TLE4: variants seen among roughly 807,000 people sequenced by gnomAD.
The protein encoded by TLE4 is transducin-like enhancer protein 4.
Under a neutral mutation model 92.8 loss-of-function variants are expected in TLE4, and 8 were observed. The ratio of observed to expected loss-of-function variants is 0.09; its 90% CI spans 0.05 to 0.16. The LOEUF is 0.16. Among genes scored for constraint, TLE4 ranks in the 10% least tolerant of loss-of-function variants. The probability of loss-of-function intolerance (pLI) is 1.00; values close to 1 mark genes in which losing one functional copy is unlikely to be tolerated. For synonymous variants in TLE4, 371 were observed against 374.1 expected, an observed-to-expected ratio of 0.99 and a Z score of 0.10; for missense variants, 675 against 997.6, an observed-to-expected ratio of 0.68 and a Z score of 4.36.
intron 8 of TLE4, among the ~76,000 whole-genome samples, chr9:79,686,987 A>G (rs192236552): frequency 2.0e-5 from 3 of 152,332 alleles, no homozygotes; most frequent in East Asian, 1.9e-4. Flanking sequence ...ATTTGGTATC[A>G]TCTGGTCAGG....
intron 6 of TLE4, chr9:79,649,725 C>A: frequency 1.9e-6 from 2 of 1,055,404 alleles, no homozygotes; most frequent in Admixed American, 2.8e-5. Context: ...CCTCAGGAAG[C>A]CTTACTGTGA....
intron 8 of TLE4, chr9:79,671,090 A>T (rs574790773): frequency 3.4e-6 from 1 of 291,430 alleles, no homozygotes; most frequent in East Asian, 7.7e-5. Flanking sequence ...GATCTTGTAC[A>T]TGCAGATGGT....
intron 8 of TLE4, among the ~76,000 whole-genome samples, chr9:79,683,498 TAATC>T (rs2065166385): frequency 6.6e-6 from 1 of 152,188 alleles, no homozygotes; most frequent in Non-Finnish European, 1.5e-5. Flanking sequence ...TCTGGTCCCT[TAATC>T]AACAATGATC....
intron 6 of TLE4, among the ~76,000 whole-genome samples, chr9:79,642,159 G>A (rs77326489): frequency 0.022 from 3,364 of 151,840 alleles, 117 homozygotes; most frequent in African/African-American, 0.075. Context: ...TTCCACCTCT[G>A]ACGTTCTAAG....
chr9:79,612,550 C>A, intron 4 of TLE4, 106 bp from the exon 5 acceptor site: 1 of 1,072,282 alleles, frequency 9.3e-7, no homozygotes, highest in Non-Finnish European at 1.4e-6. Context: ...GGAAATATGC[C>A]AGCCAAATTA....
chr9:79,587,568 A>G (rs920125225), intron 4 of TLE4, among the ~76,000 whole-genome samples: 21 of 152,228 alleles, frequency 1.4e-4, no homozygotes, highest in African/African-American at 4.3e-4. Flanking sequence ...AATTTTTATA[A>G]GAGGAAATAC....
chr9:79,661,896 G>A (rs548369676), intron 8 of TLE4, among the ~76,000 whole-genome samples: 10 of 152,216 alleles, frequency 6.6e-5, no homozygotes, highest in African/African-American at 2.4e-4. Context: ...GTGATAGTTG[G>A]AATTGGTGGT....
In TLE4 at chr9:79,720,416, GTGTGTGTGTA is replaced by G. The variant is rs1455412412; in HGVS notation, c.1838+124_1838+133del. On this transcript the variant is annotated intron_variant, in intron 16 of 19. Transcript: ENST00000376552. ...TGTGTGTGTGTGTGTGTGTGTGTGTGTGTGTGTGTAAAGTGATATAATTATCTTACTAAAA... is the reference window on the plus strand; with the variant it reads ...TGTGTGTGTGTGTGTGTGTGTGTGTGAAGTGATATAATTATCTTACTAAAA... 1.0e-3 allele frequency: 1,191 copies of G among 1,184,274 alleles called. 13 individuals carry two copies. In the African/African-American group the frequency reaches 0.018, roughly 17 times the overall value. 73.4% of individuals were successfully genotyped at this position (1,184,274 alleles called of 1,614,324 possible).
At chr9:79,707,518 C>T (rs572227568) in intron 11 of TLE4, among the ~76,000 whole-genome samples, 6 of 152,194 alleles carry the variant, frequency 3.9e-5, no homozygotes, top group African/African-American at 1.2e-4. Context: ...AATAAAAAGA[C>T]AAATTCAGTT....
In TLE4 at chr9:79,572,213, A is replaced by G. The variant is rs2036019475; in HGVS notation, c.-578A>G. 6.6e-6 allele frequency: 1 copy of G among 152,178 alleles called. No individual in the cohort carries two copies. Among genetic ancestry groups the G allele is most frequent in the South Asian group, 2.1e-4 (1 of 4,828 alleles). The allele number at this position is 152,178 out of a possible 1,614,324, so 9.4% of individuals were successfully genotyped here. A position where few individuals can be genotyped will look rare whatever the true frequency, so the allele number is the denominator to read the frequency against. On this transcript the variant is annotated 5_prime_UTR_variant, in exon 1 of 20. An upstream open reading frame in the 5' UTR loses its in-frame stop. Transcript: ENST00000376552. ...GAAATGAGATGTGGTAAAAGAAGCT[A>G]AAAGGTGCCTTTTAAAAGATCGTTG...
chr9:79,585,744 G>T (rs1172478378), intron 4 of TLE4, among the ~76,000 whole-genome samples: 2 of 151,812 alleles, frequency 1.3e-5, no homozygotes, highest in African/African-American at 2.4e-5. Flanking sequence ...AATGTGCCTA[G>T]GAGTAGAAAT....
In TLE4 at chr9:79,725,267, G is replaced by A. The variant is rs1460140849; in HGVS notation, c.*123G>A. 1.6e-6 allele frequency: 1 copy of A among 642,818 alleles called. No individual in the cohort carries two copies. The highest frequency in any genetic ancestry group is 1.8e-5 in the African/African-American group (1 of 54,534). The allele number at this position is 642,818 out of a possible 1,614,324, so 39.8% of individuals were successfully genotyped here. On this transcript the variant is annotated 3_prime_UTR_variant, in exon 20 of 20. Transcript: ENST00000376552. ...TTCAGATACTCATTGCAGTTGTGGA[G>A]TTTAATCCCCTTTCTTAACCTCACT...
chr9:79,592,245 T>TCTG (rs1564205128), intron 4 of TLE4, among the ~76,000 whole-genome samples: 7 of 148,668 alleles, frequency 4.7e-5, no homozygotes, highest in African/African-American at 1.5e-4. Context: ...TCCTTCTGCT[T>TCTG]CTTCTTCTTT....
At chr9:79,700,853 T>TAC (rs998979140) in intron 8 of TLE4, among the ~76,000 whole-genome samples, 4 of 151,786 alleles carry the variant, frequency 2.6e-5, no homozygotes, top group Admixed American at 6.6e-5. Context: ...CACACACACA[T>TAC]ACACACACAC....
intron 4 of TLE4, among the ~76,000 whole-genome samples, chr9:79,592,192 TTCTTCTTCTTCTTCTTCTTCTTCC>T (rs1422379398): frequency 8.7e-5 from 12 of 137,762 alleles, no homozygotes; most frequent in African/African-American, 3.2e-4. Context: ...CCTCTTCTTC[TTCTTCTTCTTCTTCTTCTTCTTCC>T]TCTTCTTCTT....
chr9:79,657,504 C>T (rs947456518), intron 8 of TLE4, among the ~76,000 whole-genome samples: 4 of 152,122 alleles, frequency 2.6e-5, no homozygotes, highest in African/African-American at 9.7e-5. Context: ...AAAATGGTGT[C>T]AGAGGGGACA....
intron 8 of TLE4, among the ~76,000 whole-genome samples, chr9:79,663,254 A>G (rs1043317532): frequency 1.3e-5 from 2 of 152,214 alleles, no homozygotes; most frequent in African/African-American, 4.8e-5. Context: ...GCTTTTTAGG[A>G]ACTTTTAAAA....
intron 14 of TLE4, among the ~76,000 whole-genome samples, chr9:79,714,098 A>G (rs574591399): frequency 1.3e-5 from 2 of 152,232 alleles, no homozygotes; most frequent in Admixed American, 6.5e-5. Context: ...ACCTCAAGTG[A>G]TCCATTCCCC....
rs990033317 is a variant in TLE4, at chr9:79,660,925, G to A, written c.609+6850G>A. 7.2e-5 allele frequency among the ~76,000 whole-genome samples: 11 copies of A among 152,158 alleles called. No homozygotes were observed. The East Asian group carries it at 2.1e-3, about 29-fold the overall frequency. ...AATACTAATTAACAGGGGCGGCCTG[G>A]TTGGCAGGTTGGCTTTCTCCAGCTG... On this transcript the variant is annotated intron_variant, in intron 8 of 19. Coordinates refer to ENST00000376552, the MANE Select transcript of TLE4 (RefSeq NM_007005.6).
Sources: allele counts gnomAD v4.1 joint callset (sites outside exome capture counted in the v4.1 genomes callset), GRCh38; gene constraint gnomAD v4.1.1; transcripts MANE v1.5; gene names NCBI Gene and HGNC (gene_info 2026-07-23, HGNC 2026-07-21).